The following APOL2 variants were observed in gnomAD, a reference collection of about 807,000 sequenced individuals.
APOL2 encodes apolipoprotein L2, also known as apolipoprotein L, 2.
Under a neutral mutation model 7.1 loss-of-function variants are expected in APOL2, and 8 were observed. The observed-to-expected ratio is 1.12, with a 90% confidence interval of 0.66 to 2.03. The LOEUF (loss-of-function observed/expected upper bound fraction) is 2.03, where lower values mean the gene tolerates loss of function less well. APOL2 is among the 30% of genes most tolerant of loss of function. APOL2 has a pLI of 0.00. For synonymous variants in APOL2, 177 were observed against 159.9 expected, an observed-to-expected ratio of 1.11 and a Z score of -0.81; for missense variants, 471 against 415.1, an observed-to-expected ratio of 1.13 and a Z score of -1.17.
chr22:36,230,778 C>A (rs1187867054), intron 4 of APOL2, among the ~76,000 whole-genome samples: 3 of 151,990 alleles, frequency 2.0e-5, no homozygotes, highest in Non-Finnish European at 4.4e-5. Flanking sequence ...CCTGGACCAG[C>A]AGAAGGGTCC....
Position 36,226,667 on chromosome 22 carries a change from G to GGC in APOL2, c.*736_*737insGC, listed in dbSNP as rs749293221. 8.5e-3 allele frequency: 1,298 copies of GGC among 152,016 alleles called. 13 individuals carry two copies. Among genetic ancestry groups the GGC allele is most frequent in the Non-Finnish European group, 0.011 (729 of 68,366 alleles). 9.4% of individuals were successfully genotyped at this position (152,016 alleles called of 1,614,324 possible). A position where few individuals can be genotyped will look rare whatever the true frequency, so the allele number is the denominator to read the frequency against. On this transcript the variant is annotated 3_prime_UTR_variant, in exon 5 of 5. Coordinates refer to ENST00000358502, the MANE Select transcript of APOL2 (RefSeq NM_030882.4). ...TCTTGGAAGGACATCAAACCTGGGG[G>GGC]GGGGTCGGTAGTGGAGCTGCTGTTT...
In APOL2 at chr22:36,227,547, G is replaced by T; in HGVS notation, c.871C>A (p.Leu291Ile). ...GILLLLDVVSLAYESKHLLEG... is the reference protein window; with the variant it reads ...GILLLLDVVSIAYESKHLLEG... ...AGCAAGTGCTTTGACTCATATGCAA[G>T]GCTGACCACATCCAGCAGAAGCAAG... Residue 291 changes from leucine (L) to isoleucine (I), a missense_variant, in exon 5 of 5, where the codon CTT (leucine) becomes ATT (isoleucine). Transcript: ENST00000358502. The T allele has an allele frequency of 6.2e-7, 1 of 1,614,184 alleles. No individual in the cohort carries two copies. Among genetic ancestry groups the T allele is most frequent in the Non-Finnish European group, 8.5e-7 (1 of 1,180,038 alleles).
rs765866324 is a variant in APOL2, at chr22:36,226,787, C to G, written c.*617G>C. 6.3e-6 allele frequency: 1 copy of G among 157,504 alleles called. No homozygotes were observed. Among genetic ancestry groups the G allele is most frequent in the African/African-American group, 2.4e-5 (1 of 40,932 alleles). 9.8% of individuals were successfully genotyped at this position (157,504 alleles called of 1,614,324 possible). ...CATTGCTGGTTCCTGCAAGCTCCCC[C>G]TCTATTCTTCGCCCAATATATTCTT... On this transcript the variant is annotated 3_prime_UTR_variant, in exon 5 of 5. Transcript: ENST00000358502.
intron 1 of APOL2, among the ~76,000 whole-genome samples, chr22:36,234,945 C>T (rs1229666284): frequency 6.6e-6 from 1 of 152,178 alleles, no homozygotes; most frequent in African/African-American, 2.4e-5. Context: ...GCCTCTGCAC[C>T]CTCTGCTGCC....
intron 1 of APOL2, chr22:36,236,882 T>G: frequency 7.8e-7 from 1 of 1,277,008 alleles, no homozygotes; most frequent in Non-Finnish European, 9.9e-7. Context: ...TGGACACTTC[T>G]TGCTGTAAGG....
At chr22:36,237,324 C>A in intron 1 of APOL2, 1 of 1,338,754 alleles carries the variant, frequency 7.5e-7, no homozygotes, top group Non-Finnish European at 9.6e-7. Flanking sequence ...CAGGGACTCT[C>A]AGCAAAGCAT....
chr22:36,239,644 C>T (rs2015535895), upstream of APOL2: 3 of 734,450 alleles, frequency 4.1e-6, no homozygotes, highest in South Asian at 3.3e-5. Flanking sequence ...TCCCCAGCAC[C>T]ACCTGCAGTC....
intron 3 of APOL2, among the ~76,000 whole-genome samples, chr22:36,231,796 C>T (rs750380110): frequency 7.2e-5 from 11 of 152,184 alleles, no homozygotes; most frequent in South Asian, 2.1e-4. Context: ...AAGCACACAG[C>T]GCAAAGGCAG....
At chr22:36,235,204 CAG>C (rs1003198169) in intron 1 of APOL2, among the ~76,000 whole-genome samples, 8 of 152,192 alleles carry the variant, frequency 5.3e-5, no homozygotes, top group South Asian at 2.1e-4. Context: ...TGAAAAAAAT[CAG>C]AGAGTTCATG....
chr22:36,227,369 G>A lies in APOL2; in HGVS notation c.*35C>T, dbSNP rs201516747. 1.5e-4 allele frequency: 228 copies of A among 1,511,598 alleles called. 1 individual carries two copies. In the African/African-American group the frequency reaches 1.7e-3, roughly 11 times the overall value. 93.6% of individuals were successfully genotyped at this position (1,511,598 alleles called of 1,614,324 possible). Reference sequence around the variant, plus strand: ...CTGCATTTTGTCCTGGCCTGTGCCCGGCATTTCTGCCCTGGTGGCTGCACT... The same window carrying A: ...CTGCATTTTGTCCTGGCCTGTGCCCAGCATTTCTGCCCTGGTGGCTGCACT... On this transcript the variant is annotated 3_prime_UTR_variant, in exon 5 of 5. Transcript: ENST00000358502.
chr22:36,239,484 TCTGAG>T lies in APOL2; in HGVS notation c.-182_-178del, dbSNP rs761757956. The T allele has an allele frequency of 3.2e-6, 5 of 1,583,592 alleles. No homozygotes were observed. Among genetic ancestry groups the T allele is most frequent in the Non-Finnish European group, 4.3e-6 (5 of 1,171,586 alleles). On this transcript the variant is annotated 5_prime_UTR_variant, in exon 1 of 5. The change creates a premature stop within an existing upstream ORF in the 5' untranslated region. Transcript: ENST00000358502. ...CAGAGACTGAGCAAGATCCAACTGT[TCTGAG>T]CTGTGTGGATCCCACGTCCAGCTGT...
chr22:36,239,242 T>G, intron 1 of APOL2, 199 bp downstream of exon 1: 1 of 1,370,750 alleles, frequency 7.3e-7, no homozygotes, highest in Non-Finnish European at 9.4e-7. Context: ...CTCTCTACAG[T>G]TTACCCGCCC....
At chr22:36,239,535 C>T, upstream of APOL2, 4 of 1,579,042 alleles carry the variant, frequency 2.5e-6, no homozygotes, top group Non-Finnish European at 3.4e-6. Flanking sequence ...AATAACCAGA[C>T]ACGTCCTCCG....
chr22:36,231,395 G>T lies in APOL2; in HGVS notation c.82C>A (p.Leu28Met), dbSNP rs752276418. ...TTCCAGGCTTCATCATCAGTCAGCA[G>T]TTGTAGCAGATTCTCTCTGCTCACT... ...DQVSRENLLQ[L>M]LTDDEAWNGF... is the part of the protein sequence containing the mutation. The change falls in exon 4 of 5, where the codon CTG becomes ATG. Residue 28 changes from leucine to methionine, a missense_variant. Coordinates refer to ENST00000358502, the MANE Select transcript of APOL2 (RefSeq NM_030882.4). 1.2e-6 allele frequency: 2 copies of T among 1,614,110 alleles called. No individual in the cohort carries two copies. Among genetic ancestry groups the T allele is most frequent in the East Asian group, 4.5e-5 (2 of 44,898 alleles).
chr22:36,239,835 C>G (rs2015541310), upstream of APOL2: 1 of 337,816 alleles, frequency 3.0e-6, no homozygotes, highest in South Asian at 3.9e-5. Context: ...CCCATCTGAG[C>G]CGCTTGCCCC....
At chr22:36,231,504 T>C (rs1249371211) in intron 3 of APOL2, 38 bp from the exon 4 acceptor site, 1 of 1,599,886 alleles carries the variant, frequency 6.3e-7, no homozygotes, top group African/African-American at 1.3e-5. Context: ...TGGAGGATAG[T>C]GTAGGGGAGC....
rs1051848910 is a variant in APOL2 at position 36,227,041 on chromosome 22, C to T, written c.*363G>A. 31 of 188,308 alleles carry T rather than the reference C, an allele frequency of 1.6e-4. No homozygotes were observed. The highest frequency in any genetic ancestry group is 5.4e-4 in the African/African-American group (23 of 42,228). The allele number at this position is 188,308 out of a possible 1,614,324, so 11.7% of individuals were successfully genotyped here. On this transcript the variant is annotated 3_prime_UTR_variant, in exon 5 of 5. Coordinates refer to ENST00000358502, the MANE Select transcript of APOL2 (RefSeq NM_030882.4). ...ATAAAATGTCTGCATTTTGGCCAGGCGCGGTGGCTCACGCCTGTAATCCCA... is the reference window on the plus strand; with the variant it reads ...ATAAAATGTCTGCATTTTGGCCAGGTGCGGTGGCTCACGCCTGTAATCCCA...
intron 4 of APOL2, among the ~76,000 whole-genome samples, chr22:36,229,549 G>T (rs1228438850): frequency 1.3e-5 from 2 of 152,218 alleles, no homozygotes; most frequent in Non-Finnish European, 2.9e-5. Flanking sequence ...ACTCTGCCCT[G>T]TGTGTCTCTT....
rs1197880384 is a variant in APOL2, at chr22:36,227,776, G to A, written c.642C>T (p.Tyr214=). The change falls in exon 5 of 5, where the codon TAC becomes TAT. Residue 214 remains tyrosine (Y), a synonymous_variant. Transcript: ENST00000358502. The part of the protein sequence containing the change: ...PNVLTLVDNW[Y]QVTQGIGRNI... ...TCCTCCCAATCCCTTGTGTGACTTG[G>A]TACCAATTGTCAACTAAGGTAAGAA... 6.2e-7 allele frequency: 1 copy of A among 1,614,048 alleles called. No individual in the cohort carries two copies. Among genetic ancestry groups the A allele is most frequent in the East Asian group, 2.2e-5 (1 of 44,900 alleles).
Sources: allele counts gnomAD v4.1 joint callset (sites outside exome capture counted in the v4.1 genomes callset), GRCh38; gene constraint gnomAD v4.1.1; transcripts MANE v1.5; gene names NCBI Gene and HGNC (gene_info 2026-07-23, HGNC 2026-07-21).